Variants in TCF7L2 observed in about 807,000 individuals in gnomAD.
The protein encoded by TCF7L2 is transcription factor 7 like 2, also known as transcription factor 7-like 2.
Under a neutral mutation model 77.9 loss-of-function variants are expected in TCF7L2, and 23 were observed. The ratio of observed to expected loss-of-function variants is 0.30; its 90% confidence interval spans 0.21 to 0.42. The LOEUF is 0.42. Ranked by LOEUF, TCF7L2 falls within the 10% of genes least tolerant of loss-of-function variation. TCF7L2 has a pLI of 1.00. For missense variants in TCF7L2, 654 were observed against 793.1 expected (o/e 0.82, Z 2.11); for synonymous variants, 413 against 340.2 (o/e 1.21, Z -2.36).
chr10:113,097,549 A>G (rs1333798683), intron 5 of TCF7L2, among the ~76,000 whole-genome samples: 2 of 144,310 alleles, frequency 1.4e-5, no homozygotes, highest in Non-Finnish European at 3.0e-5. Context: ...GCTCCTCGGG[A>G]GGCCGAGGCA....
chr10:113,085,532 T>C (rs2059746503), intron 5 of TCF7L2, among the ~76,000 whole-genome samples: 1 of 152,242 alleles, frequency 6.6e-6, no homozygotes, highest in East Asian at 1.9e-4. Context: ...GCTATTCGAT[T>C]GCATTAGCGT....
At chr10:113,012,282 G>A (rs1016239816) in intron 4 of TCF7L2, among the ~76,000 whole-genome samples, 5 of 152,204 alleles carry the variant, frequency 3.3e-5, no homozygotes, top group African/African-American at 1.2e-4. Context: ...TGCTTTAGGG[G>A]TTGGAATAGT....
chr10:113,107,667 C>T lies in TCF7L2; in HGVS notation c.553-33517C>T, dbSNP rs903634555. Among the ~76,000 whole-genome samples the T allele has an allele frequency of 1.5e-4, 21 of 143,642 alleles. No homozygotes were observed. The East Asian group carries it at 4.7e-3, about 32-fold the overall frequency. The allele number at this position is 143,642 out of a possible 152,430, so 94.2% of individuals were successfully genotyped here. On this transcript the variant is annotated intron_variant, in intron 5 of 13. Transcript: ENST00000627217. ...CTGAGGCAGGAGAATGGCGTGAACC[C>T]GGGAGGCGGAGCTTACAGCGAGCTT...
chr10:113,148,376 A>G (rs573551040), intron 8 of TCF7L2, among the ~76,000 whole-genome samples: 1 of 152,210 alleles, frequency 6.6e-6, no homozygotes, highest in South Asian at 2.1e-4. Flanking sequence ...CGTGGCTCAC[A>G]AAAAATAAGG....
chr10:112,995,172 T>C (rs1393112428), intron 4 of TCF7L2, among the ~76,000 whole-genome samples: 1 of 152,190 alleles, frequency 6.6e-6, no homozygotes, highest in Non-Finnish European at 1.5e-5. Flanking sequence ...TGGGCTGCTC[T>C]CTGGGTAGAG....
chr10:112,982,579 T>C (rs1385481204), intron 4 of TCF7L2, among the ~76,000 whole-genome samples: 1 of 152,204 alleles, frequency 6.6e-6, no homozygotes, highest in African/African-American at 2.4e-5. Flanking sequence ...AATCTGGACT[T>C]GAGTTATTTC....
chr10:113,093,245 A>G (rs1260809445), intron 5 of TCF7L2, among the ~76,000 whole-genome samples: 1 of 152,190 alleles, frequency 6.6e-6, no homozygotes, highest in Non-Finnish European at 1.5e-5. Context: ...TGGTGTGATT[A>G]TTCCCATTTT....
chr10:113,166,451 CTT>C lies in TCF7L2; in HGVS notation c.*493_*494del, dbSNP rs5787989. 4.5e-4 allele frequency: 79 copies of C among 177,350 alleles called. No homozygotes were observed. The highest frequency in any genetic ancestry group is 7.1e-4 in the Non-Finnish European group (62 of 87,684). The allele number at this position is 177,350 out of a possible 1,614,324, so 11.0% of individuals were successfully genotyped here. On this transcript the variant is annotated 3_prime_UTR_variant, in exon 14 of 14. Transcript: ENST00000627217. ...GGGCACCATGAATGCAGTGCCGTTA[CTT>C]TTTTTTTTTTTTTCTGTGTGAAACA...
chr10:113,162,303 T>C (rs1009810542), intron 13 of TCF7L2, among the ~76,000 whole-genome samples: 1 of 152,032 alleles, frequency 6.6e-6, no homozygotes, highest in African/African-American at 2.4e-5. Flanking sequence ...ACCTAGTTTG[T>C]TTATTTTATT....
chr10:113,086,786 T>C (rs1019464463), intron 5 of TCF7L2, among the ~76,000 whole-genome samples: 15 of 152,046 alleles, frequency 9.9e-5, no homozygotes, highest in African/African-American at 3.6e-4. Context: ...ACTATAGTTA[T>C]TTTCTCATGA....
intron 5 of TCF7L2, among the ~76,000 whole-genome samples, chr10:113,040,357 A>G (rs1277572398): frequency 2.0e-5 from 3 of 152,282 alleles, no homozygotes; most frequent in African/African-American, 7.2e-5. Context: ...ACTCTTTTCC[A>G]TGTATTTGGT....
At chr10:112,973,312 C>T (rs2038686050) in intron 4 of TCF7L2, among the ~76,000 whole-genome samples, 1 of 152,170 alleles carries the variant, frequency 6.6e-6, no homozygotes, top group African/African-American at 2.4e-5. Context: ...CAAGGGTTCC[C>T]AGCTTGGACT....
chr10:113,024,617 T>C (rs954283660), intron 4 of TCF7L2, among the ~76,000 whole-genome samples: 15 of 83,546 alleles, frequency 1.8e-4, no homozygotes, highest in South Asian at 1.3e-3. Flanking sequence ...ATATAAACCC[T>C]TTTTTTTTTT....
In TCF7L2 at chr10:113,166,528, G is replaced by A. The variant is rs1449865522; in HGVS notation, c.*556G>A. 1 of 215,364 alleles carries A rather than the reference G, an allele frequency of 4.6e-6. No individual in the cohort carries two copies. Among genetic ancestry groups the A allele is most frequent in the African/African-American group, 2.3e-5 (1 of 44,138 alleles). The allele number at this position is 215,364 out of a possible 1,614,324, so 13.3% of individuals were successfully genotyped here. On this transcript the variant is annotated 3_prime_UTR_variant, in exon 14 of 14. Transcript: ENST00000627217. Reference sequence around the variant, plus strand: ...ATTGTTTAAATGTACAGAAACAAAGGGTAAAAATGTGTTAATATACCTTGT... The same window carrying A: ...ATTGTTTAAATGTACAGAAACAAAGAGTAAAAATGTGTTAATATACCTTGT...
chr10:113,149,160 C>T (rs143806388), intron 8 of TCF7L2, among the ~76,000 whole-genome samples: 2 of 152,216 alleles, frequency 1.3e-5, no homozygotes, highest in African/African-American at 4.8e-5. Flanking sequence ...TCTGTTTCCT[C>T]TGAGGCCTTC....
intron 11 of TCF7L2, among the ~76,000 whole-genome samples, chr10:113,155,469 T>C (rs1411791945): frequency 6.6e-6 from 1 of 152,194 alleles, no homozygotes; most frequent in African/African-American, 2.4e-5. Flanking sequence ...ATCCACTTTC[T>C]CATGTCTTCT....
At chr10:113,149,274 G>A (rs893724982) in intron 8 of TCF7L2, among the ~76,000 whole-genome samples, 4 of 152,202 alleles carry the variant, frequency 2.6e-5, no homozygotes, top group African/African-American at 9.6e-5. Flanking sequence ...GGATGAAGAT[G>A]AAGGTTGTTA....
chr10:113,109,619 G>A (rs2136070908), intron 5 of TCF7L2, among the ~76,000 whole-genome samples: 1 of 152,306 alleles, frequency 6.6e-6, no homozygotes, highest in Non-Finnish European at 1.5e-5. Flanking sequence ...TCGAACTCCT[G>A]ACCGCAGGTC....
intron 3 of TCF7L2, among the ~76,000 whole-genome samples, chr10:112,955,140 G>T (rs1185752977): frequency 7.2e-6 from 1 of 138,868 alleles, no homozygotes; most frequent in Non-Finnish European, 1.5e-5. Flanking sequence ...ACTTTTCAAA[G>T]TGTGACATTC....
Sources: allele counts gnomAD v4.1 joint callset (sites outside exome capture counted in the v4.1 genomes callset), GRCh38; gene constraint gnomAD v4.1.1; transcripts MANE v1.5; gene names NCBI Gene and HGNC (gene_info 2026-07-23, HGNC 2026-07-21).